Variants in CHST8 observed in about 807,000 individuals in gnomAD.
The protein encoded by CHST8 is GALNAC-4-ST1.
A neutral mutation model predicts 15.0 loss-of-function variants in CHST8; 10 were observed. The ratio of observed to expected loss-of-function variants is 0.67; its 90% CI spans 0.41 to 1.13. CHST8 has a LOEUF of 1.13. Ranked by LOEUF, CHST8 falls within the 50% of genes most tolerant of loss-of-function variation. CHST8 has a pLI of 0.00. For missense variants in CHST8, 634 were observed against 608.2 expected (o/e 1.04, Z -0.45); for synonymous variants, 259 against 256.6 (o/e 1.01, Z -0.09).
chr19:33,751,632 G>A (rs1182230212), intron 3 of CHST8, among the ~76,000 whole-genome samples: 1 of 152,196 alleles, frequency 6.6e-6, no homozygotes, highest in East Asian at 1.9e-4. Context: ...CCCGGGCACT[G>A]GCAGGCAGCA....
chr19:33,700,256 C>T (rs961328668), intron 3 of CHST8, among the ~76,000 whole-genome samples: 2 of 152,224 alleles, frequency 1.3e-5, no homozygotes, highest in African/African-American at 4.8e-5. Flanking sequence ...CCTTGGGAGG[C>T]TGACACATCC....
At chr19:33,748,293 T>G (rs1020873908) in intron 3 of CHST8, among the ~76,000 whole-genome samples, 2 of 152,240 alleles carry the variant, frequency 1.3e-5, no homozygotes, top group Non-Finnish European at 2.9e-5. Flanking sequence ...AGGGCAGAAG[T>G]GCAGGACCTA....
chr19:33,728,441 C>T (rs540531830), intron 3 of CHST8, among the ~76,000 whole-genome samples: 1 of 152,348 alleles, frequency 6.6e-6, no homozygotes, highest in East Asian at 1.9e-4. Context: ...TGATGTCTTT[C>T]AGGGTTGCTG....
chr19:33,689,513 C>G, intron 3 of CHST8, 122 bp downstream of exon 3: 1 of 1,193,780 alleles, frequency 8.4e-7, no homozygotes, highest in Non-Finnish European at 1.1e-6. Context: ...GCCAAGACCC[C>G]CGGCAGGCAG....
chr19:33,725,032 G>T (rs1973868131), intron 3 of CHST8, among the ~76,000 whole-genome samples: 1 of 152,192 alleles, frequency 6.6e-6, no homozygotes, highest in Non-Finnish European at 1.5e-5. Context: ...GTCATCAGGA[G>T]ACCAGCACTG....
chr19:33,725,870 G>T (rs1008216991), intron 3 of CHST8, among the ~76,000 whole-genome samples: 8 of 152,226 alleles, frequency 5.3e-5, no homozygotes, highest in Non-Finnish European at 1.2e-4. Context: ...TGGCCACAGG[G>T]TCTAGGTGGC....
chr19:33,759,010 G>A (rs142912573), intron 3 of CHST8, among the ~76,000 whole-genome samples: 3,137 of 152,176 alleles, frequency 0.021, 50 homozygotes, highest in East Asian at 0.028. Flanking sequence ...GGAACAAAGG[G>A]TGAGACTTGG....
At chr19:33,756,014 C>G (rs181018893) in intron 3 of CHST8, among the ~76,000 whole-genome samples, 164 of 152,302 alleles carry the variant, frequency 1.1e-3, no homozygotes, top group Admixed American at 3.3e-3. Flanking sequence ...CCTCCACCCC[C>G]ACCCAGGCAA....
chr19:33,722,602 T>G (rs115798061), intron 3 of CHST8, among the ~76,000 whole-genome samples: 2,675 of 152,302 alleles, frequency 0.018, 57 homozygotes, highest in African/African-American at 0.05. Context: ...CTTTGTTCCT[T>G]GGTTGCACCC....
intron 1 of CHST8, among the ~76,000 whole-genome samples, chr19:33,623,396 C>G (rs960971947): frequency 1.3e-5 from 2 of 152,206 alleles, no homozygotes; most frequent in Non-Finnish European, 2.9e-5. Flanking sequence ...CCCGGCCCCT[C>G]TCCATCTGCT....
chr19:33,708,145 A>G (rs1158888087), intron 3 of CHST8, among the ~76,000 whole-genome samples: 3 of 152,196 alleles, frequency 2.0e-5, no homozygotes, highest in African/African-American at 7.2e-5. Flanking sequence ...AGATATAAGT[A>G]TTATTTGACT....
At chr19:33,650,719 T>C (rs1218342381) in intron 1 of CHST8, among the ~76,000 whole-genome samples, 2 of 151,352 alleles carry the variant, frequency 1.3e-5, no homozygotes, top group African/African-American at 4.9e-5. Context: ...TTTGTTTTTG[T>C]TTTATCTTGA....
At chr19:33,750,244 G>A (rs1418948271) in intron 3 of CHST8, among the ~76,000 whole-genome samples, 1 of 152,176 alleles carries the variant, frequency 6.6e-6, no homozygotes, top group Non-Finnish European at 1.5e-5. Context: ...TTTTGGGCAG[G>A]GTCCTATTAC....
At chr19:33,684,900 A>T (rs1194317678) in intron 2 of CHST8, 2 of 152,302 alleles carry the variant, frequency 1.3e-5, no homozygotes, top group Non-Finnish European at 1.5e-5. Context: ...TTGCCATAGC[A>T]GCCTCTCTCC....
At chr19:33,763,191 T>TA (rs1974771107) in intron 3 of CHST8, among the ~76,000 whole-genome samples, 1 of 152,122 alleles carries the variant, frequency 6.6e-6, no homozygotes, top group Non-Finnish European at 1.5e-5. Context: ...AAGCCTGCAT[T>TA]AAAAACTACA....
At chr19:33,643,534 C>G (rs79635414) in intron 1 of CHST8, among the ~76,000 whole-genome samples, 1 of 152,184 alleles carries the variant, frequency 6.6e-6, no homozygotes, top group Non-Finnish European at 1.5e-5. Context: ...GCCGCAGGTG[C>G]GAAATGGCCA....
At chr19:33,746,112 A>G (rs934388027) in intron 3 of CHST8, among the ~76,000 whole-genome samples, 22 of 152,224 alleles carry the variant, frequency 1.4e-4, no homozygotes, top group African/African-American at 5.3e-4. Flanking sequence ...AAGTGTTGCC[A>G]TTTGGTGTTA....
chr19:33,720,492 C>G (rs1028156188), intron 3 of CHST8, among the ~76,000 whole-genome samples: 15 of 151,896 alleles, frequency 9.9e-5, no homozygotes, highest in Non-Finnish European at 2.1e-4. Context: ...CACTGCACAC[C>G]ACACACACCA....
At chr19:33,623,618 T>A (rs1052297382) in intron 1 of CHST8, among the ~76,000 whole-genome samples, 1 of 152,186 alleles carries the variant, frequency 6.6e-6, no homozygotes, top group African/African-American at 2.4e-5. Flanking sequence ...TGAGTTCACC[T>A]TGACCCTTGC....
Sources: gnomAD v4.1 joint callset for allele counts (sites outside exome capture counted in the v4.1 genomes callset) on GRCh38, gnomAD v4.1.1 for gene constraint, MANE v1.5 for transcripts, NCBI Gene and HGNC (gene_info 2026-07-23, HGNC 2026-07-21) for gene names.